Variants in NPAS3 observed in about 807,000 individuals in gnomAD.
The protein encoded by NPAS3 is neuronal PAS domain protein 3, also known as neuronal PAS domain-containing protein 3.
A neutral mutation model predicts 73.1 loss-of-function variants in NPAS3; 14 were observed. That is an observed-to-expected ratio of 0.19 (90% CI 0.13 to 0.30). The LOEUF (loss-of-function observed/expected upper bound fraction) is 0.30, where lower values mean the gene tolerates loss of function less well. Ranked by LOEUF, NPAS3 falls within the 10% of genes least tolerant of loss-of-function variation. The probability of loss-of-function intolerance (pLI) is 1.00; values close to 1 mark genes in which losing one functional copy is unlikely to be tolerated. For missense variants in NPAS3, 1,096 were observed against 1,250.0 expected, an observed-to-expected ratio of 0.88 and a Z score of 1.86; for synonymous variants, 620 against 541.5, an observed-to-expected ratio of 1.14 and a Z score of -2.01.
rs551343703 is a variant in NPAS3 at position 33,672,197 on chromosome 14, C to T, written c.559-4014C>T. Among the ~76,000 whole-genome samples the T allele has an allele frequency of 3.3e-5, 5 of 152,270 alleles. No individual in the cohort carries two copies. In the South Asian group the frequency reaches 6.2e-4, roughly 19 times the overall value. On this transcript the variant is annotated intron_variant, in intron 5 of 11. Transcript: ENST00000356141. Reference sequence around the variant, plus strand: ...TCTTAAAGAGTTTCTTAAAACCTGTCCCTTCCCGGCATTTATACAATCCCA... The same window carrying T: ...TCTTAAAGAGTTTCTTAAAACCTGTTCCTTCCCGGCATTTATACAATCCCA...
chr14:32,942,599 TAGAC>T (rs1312146062), intron 1 of NPAS3, among the ~76,000 whole-genome samples: 1 of 152,210 alleles, frequency 6.6e-6, no homozygotes, highest in Non-Finnish European at 1.5e-5. Flanking sequence ...CCAAAAAAAT[TAGAC>T]AGAGAGAAGT....
At chr14:33,429,914 G>T (rs1051486605) in intron 4 of NPAS3, among the ~76,000 whole-genome samples, 1 of 152,082 alleles carries the variant, frequency 6.6e-6, no homozygotes. Context: ...TGCCCTTGGG[G>T]ACTAAATCAA....
intron 1 of NPAS3, among the ~76,000 whole-genome samples, chr14:33,004,488 A>G (rs1273226679): frequency 6.6e-6 from 1 of 152,168 alleles, no homozygotes; most frequent in Admixed American, 6.5e-5. Flanking sequence ...CTTACTGTGA[A>G]TGGAGCTTGC....
At chr14:33,476,187 T>C (rs1297667768) in intron 4 of NPAS3, among the ~76,000 whole-genome samples, 1 of 152,260 alleles carries the variant, frequency 6.6e-6, no homozygotes, top group Non-Finnish European at 1.5e-5. Flanking sequence ...AGAAATCTTG[T>C]TGTCAAGATT....
chr14:33,309,538 G>T (rs1349042784), intron 3 of NPAS3, among the ~76,000 whole-genome samples: 1 of 152,204 alleles, frequency 6.6e-6, no homozygotes. Context: ...GAGACAGTTG[G>T]TGCAGATAAT....
intron 5 of NPAS3, among the ~76,000 whole-genome samples, chr14:33,639,710 G>A (rs1481906562): frequency 6.6e-6 from 1 of 152,124 alleles, no homozygotes; most frequent in East Asian, 1.9e-4. Flanking sequence ...AGCTTTTCAT[G>A]TTCATATTTA....
chr14:33,708,785 G>A (rs900850294), intron 6 of NPAS3, among the ~76,000 whole-genome samples: 1 of 152,160 alleles, frequency 6.6e-6, no homozygotes, highest in East Asian at 1.9e-4. Flanking sequence ...AAAGGGCAAT[G>A]CATCTCTGAA....
intron 4 of NPAS3, among the ~76,000 whole-genome samples, chr14:33,519,194 C>T (rs1266388851): frequency 6.6e-6 from 1 of 152,128 alleles, no homozygotes; most frequent in East Asian, 1.9e-4. Context: ...GTTTCGCTGG[C>T]ATCCTTTGAT....
At chr14:33,732,337 C>T (rs1417593409) in intron 6 of NPAS3, among the ~76,000 whole-genome samples, 2 of 152,178 alleles carry the variant, frequency 1.3e-5, no homozygotes, top group African/African-American at 2.4e-5. Context: ...AAAATCACGC[C>T]TCTCACGTGA....
At chr14:33,653,397 C>G (rs2059056021) in intron 5 of NPAS3, among the ~76,000 whole-genome samples, 1 of 152,226 alleles carries the variant, frequency 6.6e-6, no homozygotes, top group Admixed American at 6.5e-5. Context: ...TTGCCGACTT[C>G]ATTTTCATTC....
At chr14:33,795,495 G>A (rs767234879) in intron 10 of NPAS3, among the ~76,000 whole-genome samples, 1 of 152,304 alleles carries the variant, frequency 6.6e-6, no homozygotes, top group South Asian at 2.1e-4. Context: ...ATGGAATAAG[G>A]TCTTGTGGCA....
chr14:33,155,161 C>G (rs1169254210), intron 2 of NPAS3, among the ~76,000 whole-genome samples: 1 of 152,190 alleles, frequency 6.6e-6, no homozygotes, highest in Non-Finnish European at 1.5e-5. Context: ...TGCTGTTCCT[C>G]TTGTGCCAAG....
chr14:33,410,117 T>C (rs2047857053), intron 4 of NPAS3, among the ~76,000 whole-genome samples: 1 of 152,256 alleles, frequency 6.6e-6, no homozygotes. Context: ...GCTGGTCCAG[T>C]GTCATGAAGC....
At chr14:33,714,459 A>G (rs1458980095) in intron 6 of NPAS3, among the ~76,000 whole-genome samples, 1 of 152,130 alleles carries the variant, frequency 6.6e-6, no homozygotes, top group Admixed American at 6.5e-5. Flanking sequence ...GCTTACACCA[A>G]TTACGATCCA....
intron 4 of NPAS3, among the ~76,000 whole-genome samples, chr14:33,535,517 A>T (rs2054223908): frequency 6.6e-6 from 1 of 152,170 alleles, no homozygotes; most frequent in South Asian, 2.1e-4. Context: ...GAGAACACCG[A>T]CTATCTGCCT....
At chr14:33,552,476 T>C (rs1348989045) in intron 4 of NPAS3, among the ~76,000 whole-genome samples, 1 of 152,178 alleles carries the variant, frequency 6.6e-6, no homozygotes, top group Non-Finnish European at 1.5e-5. Context: ...TTTTCCCTGG[T>C]GAATACTGAG....
intron 3 of NPAS3, among the ~76,000 whole-genome samples, chr14:33,266,030 C>A (rs2040801488): frequency 6.6e-6 from 1 of 151,608 alleles, no homozygotes; most frequent in African/African-American, 2.4e-5. Flanking sequence ...CATATACACA[C>A]ACATTTATTT....
At chr14:33,092,097 C>T (rs1294347343) in intron 2 of NPAS3, among the ~76,000 whole-genome samples, 2 of 152,126 alleles carry the variant, frequency 1.3e-5, no homozygotes, top group Non-Finnish European at 2.9e-5. Flanking sequence ...TCCTATTCAA[C>T]ATAGTGTTGG....
intron 2 of NPAS3, among the ~76,000 whole-genome samples, chr14:33,079,892 C>T (rs1329922149): frequency 6.6e-6 from 1 of 152,084 alleles, no homozygotes; most frequent in Admixed American, 6.6e-5. Context: ...GGATTACAGG[C>T]ATGAGCTATC....
Sources: allele counts gnomAD v4.1 joint callset (sites outside exome capture counted in the v4.1 genomes callset), GRCh38; gene constraint gnomAD v4.1.1; transcripts MANE v1.5; gene names NCBI Gene and HGNC (gene_info 2026-07-23, HGNC 2026-07-21).